The following GABRB3 variants were observed in gnomAD, a reference collection of about 807,000 sequenced individuals.
The protein encoded by GABRB3 is gamma-aminobutyric acid receptor subunit beta-3.
Under a neutral mutation model 52.1 loss-of-function variants are expected in GABRB3, and 14 were observed. That is an observed-to-expected ratio of 0.27 (90% CI 0.18 to 0.42). GABRB3 has a LOEUF of 0.42. Among genes scored for constraint, GABRB3 ranks in the 10% least tolerant of loss-of-function variants. The pLI is 1.00. For synonymous variants in GABRB3, 260 were observed against 232.3 expected (o/e 1.12, Z -1.08); for missense variants, 307 against 609.1 (o/e 0.50, Z 5.22).
chr15:26,670,798 T>C (rs1241929105), intron 3 of GABRB3, among the ~76,000 whole-genome samples: 1 of 152,164 alleles, frequency 6.6e-6, no homozygotes, highest in African/African-American at 2.4e-5. Flanking sequence ...CCTATGCCTC[T>C]TTCTTTCTTT....
rs145339634 is a variant in GABRB3, at chr15:26,577,672, G to A, written c.682+2647C>T. Among the ~76,000 whole-genome samples, 933 of 152,284 alleles carry A rather than the reference G, an allele frequency of 6.1e-3. 5 individuals carry two copies. The highest frequency in any genetic ancestry group is 0.018 in the African/African-American group (758 of 41,566). ...AAGTTACAGTCGTGCCCCTCGTAAC[G>A]ACCTGTAGGTCAATGGACAGGGTCC... On this transcript the variant is annotated intron_variant, in intron 6 of 8. Coordinates refer to ENST00000311550, the MANE Select transcript of GABRB3 (RefSeq NM_000814.6).
In GABRB3 at chr15:26,567,428, G is replaced by A. The variant is rs13379559; in HGVS notation, c.835+153C>T. Among the ~76,000 whole-genome samples, 3,877 of 152,294 alleles carry A rather than the reference G, an allele frequency of 0.025. 182 individuals are homozygous for A. The highest frequency in any genetic ancestry group is 0.089 in the African/African-American group (3,695 of 41,542). ...TTAACACATCAAGGGAATCGTGCGT[G>A]AAATTAGTGTTTCAAGATAAAAAGT... is the stretch of plus-strand genomic sequence containing the variant. On this transcript the variant is annotated intron_variant, in intron 7 of 8. Coordinates refer to ENST00000311550, the MANE Select transcript of GABRB3 (RefSeq NM_000814.6).
intron 3 of GABRB3, chr15:26,628,826 G>A: frequency 2.5e-6 from 2 of 801,948 alleles, no homozygotes; most frequent in Non-Finnish European, 4.0e-6. Context: ...GCCCTAGAGA[G>A]ACGAAAGGGG....
At position 26,561,041 on chromosome 15, in the gene GABRB3, T is replaced by C. The variant is rs149963014; in HGVS notation, c.971A>G (p.Tyr324Cys). Residue 324 changes from tyrosine (Y) to cysteine (C), a missense_variant, in exon 8 of 9, where the codon TAT becomes TGT. By Grantham distance (194) the Tyr-to-Cys change is radical (BLOSUM62 -2). Coordinates refer to ENST00000311550, the MANE Select transcript of GABRB3 (RefSeq NM_000814.6). ...AAAGAAAATGTAGTTGACAAAGGCA[T>C]ACTCCAGAAGGGCCAGGAACACAAA... ...FVFVFLALLE[Y>C]AFVNYIFFGR... 1 of 1,614,138 alleles carries C rather than the reference T, an allele frequency of 6.2e-7. No individual in the cohort carries two copies. The highest frequency in any genetic ancestry group is 8.5e-7 in the Non-Finnish European group (1 of 1,180,034).
At chr15:26,609,773 A>C (rs1046313819) in intron 4 of GABRB3, among the ~76,000 whole-genome samples, 20 of 152,166 alleles carry the variant, frequency 1.3e-4, no homozygotes, top group South Asian at 2.1e-4. Context: ...TGAGAGAATA[A>C]ATTTGAAATG....
intron 3 of GABRB3, among the ~76,000 whole-genome samples, chr15:26,754,247 A>C (rs149107255): frequency 6.6e-5 from 10 of 152,314 alleles, no homozygotes; most frequent in African/African-American, 2.4e-4. Context: ...GAGGGAGAGA[A>C]GACGACCAGC....
chr15:26,707,729 G>A (rs1320744317), intron 3 of GABRB3, among the ~76,000 whole-genome samples: 2 of 152,344 alleles, frequency 1.3e-5, no homozygotes, highest in Admixed American at 6.5e-5. Flanking sequence ...AGTGTGAACA[G>A]TGTCACTTAG....
chr15:26,735,084 A>G (rs1324017412), intron 3 of GABRB3, among the ~76,000 whole-genome samples: 1 of 152,210 alleles, frequency 6.6e-6, no homozygotes, highest in Non-Finnish European at 1.5e-5. Context: ...CAACAGACAT[A>G]AACAAGCATT....
At chr15:26,617,378 G>A (rs1892296009) in intron 4 of GABRB3, among the ~76,000 whole-genome samples, 1 of 152,060 alleles carries the variant, frequency 6.6e-6, no homozygotes, top group Admixed American at 6.5e-5. Context: ...ATCAATAAAT[G>A]TAATCCAGCA....
chr15:26,652,946 T>C (rs995793146), intron 3 of GABRB3, among the ~76,000 whole-genome samples: 6 of 152,186 alleles, frequency 3.9e-5, no homozygotes, highest in Non-Finnish European at 8.8e-5. Flanking sequence ...CCTTAGTGGA[T>C]TGTTTTGAGT....
At chr15:26,559,052 G>C (rs1889877876) in intron 8 of GABRB3, among the ~76,000 whole-genome samples, 1 of 152,160 alleles carries the variant, frequency 6.6e-6, no homozygotes. Context: ...GGGTGGTATT[G>C]TGGTATTAAA....
chr15:26,581,680 C>T (rs893652992), intron 5 of GABRB3, among the ~76,000 whole-genome samples: 2 of 151,956 alleles, frequency 1.3e-5, no homozygotes, highest in African/African-American at 4.8e-5. Context: ...TGCAGGGACA[C>T]ACCTCCAGAT....
At chr15:26,750,302 C>A (rs891261499) in intron 3 of GABRB3, among the ~76,000 whole-genome samples, 7 of 152,160 alleles carry the variant, frequency 4.6e-5, no homozygotes, top group African/African-American at 1.7e-4. Context: ...TCAACCCAAG[C>A]CCTCAATTAG....
At chr15:26,746,860 A>C (rs561476021) in intron 3 of GABRB3, among the ~76,000 whole-genome samples, 1 of 152,176 alleles carries the variant, frequency 6.6e-6, no homozygotes, top group Non-Finnish European at 1.5e-5. Flanking sequence ...GGTGGCGGGC[A>C]CCTGTAGTCC....
At chr15:26,702,515 C>A (rs571979305) in intron 3 of GABRB3, among the ~76,000 whole-genome samples, 1 of 152,322 alleles carries the variant, frequency 6.6e-6, no homozygotes, top group South Asian at 2.1e-4. Context: ...AGGAGCACTG[C>A]AAATCTACTC....
In GABRB3 at chr15:26,649,658, C is replaced by CTGTGTGTGTGTGTGTGTG. The variant is rs57833685; in HGVS notation, c.241-28142_241-28125dup. Among the ~76,000 whole-genome samples the CTGTGTGTGTGTGTGTGTG allele has an allele frequency of 8.2e-3, 1,066 of 130,148 alleles. 21 individuals carry two copies. The highest frequency in any genetic ancestry group is 0.02 in the African/African-American group (651 of 32,998). The allele number at this position is 130,148 out of a possible 152,430, so 85.4% of individuals were successfully genotyped here. Reference sequence around the variant, plus strand: ...AGAAGAAAGCAGGACAGAGCCAAGGCTGTGTGTGTGTGTGTGTGTGTGTGT... The same window carrying CTGTGTGTGTGTGTGTGTG: ...AGAAGAAAGCAGGACAGAGCCAAGGCTGTGTGTGTGTGTGTGTGTGTGTGTGTGTGTGTGTGTGTGTGT... On this transcript the variant is annotated intron_variant, in intron 3 of 8. Coordinates refer to ENST00000311550, the MANE Select transcript of GABRB3 (RefSeq NM_000814.6).
chr15:26,580,994 T>C (rs1046990474), intron 5 of GABRB3, among the ~76,000 whole-genome samples: 2 of 152,180 alleles, frequency 1.3e-5, no homozygotes, highest in African/African-American at 4.8e-5. Flanking sequence ...GCCACGAAGT[T>C]TGCCAACCTT....
At chr15:26,670,472 C>G (rs1011210701) in intron 3 of GABRB3, among the ~76,000 whole-genome samples, 2 of 152,120 alleles carry the variant, frequency 1.3e-5, no homozygotes, top group South Asian at 4.1e-4. Flanking sequence ...CAAGGCGCGG[C>G]TTCGGAGCAC....
chr15:26,749,611 G>A (rs1359759855), intron 3 of GABRB3, among the ~76,000 whole-genome samples: 1 of 152,212 alleles, frequency 6.6e-6, no homozygotes, highest in East Asian at 1.9e-4. Context: ...GTGGGTGAAA[G>A]ATTAGCTCCC....
Sources: allele counts gnomAD v4.1 joint callset (sites outside exome capture counted in the v4.1 genomes callset), GRCh38; gene constraint gnomAD v4.1.1; transcripts MANE v1.5; gene names NCBI Gene and HGNC (gene_info 2026-07-23, HGNC 2026-07-21).